NEDD9: variants seen among roughly 807,000 people sequenced by gnomAD.
The protein encoded by NEDD9 is neural precursor cell expressed, developmentally down-regulated 9.
A neutral mutation model predicts 76.6 loss-of-function variants in NEDD9; 26 were observed. The observed-to-expected ratio is 0.34, with a 90% confidence interval of 0.25 to 0.47. NEDD9 has a LOEUF of 0.47. Ranked by LOEUF, NEDD9 falls within the 20% of genes least tolerant of loss-of-function variation. The probability of loss-of-function intolerance (pLI) is 1.00; values close to 1 mark genes in which losing one functional copy is unlikely to be tolerated. For missense variants in NEDD9, 937 were observed against 1,058.5 expected, an observed-to-expected ratio of 0.89 and a Z score of 1.59; for synonymous variants, 392 against 414.2, an observed-to-expected ratio of 0.95 and a Z score of 0.65.
chr6:11,357,974 G>T (rs1762609535), intron 1 of NEDD9, among the ~76,000 whole-genome samples: 1 of 152,116 alleles, frequency 6.6e-6, no homozygotes. Flanking sequence ...CTATGGGGCC[G>T]CATGGTGGCT....
intron 3 of NEDD9, among the ~76,000 whole-genome samples, chr6:11,248,143 T>C (rs895983372): frequency 1.3e-5 from 2 of 151,654 alleles, no homozygotes; most frequent in Admixed American, 1.3e-4. Context: ...TTCTATAAGA[T>C]CTTCCCAAAA....
At chr6:11,297,896 AT>A (rs556461553) in intron 3 of NEDD9, among the ~76,000 whole-genome samples, 172 of 138,900 alleles carry the variant, frequency 1.2e-3, no homozygotes, top group African/African-American at 4.3e-3. Context: ...TCTAGTCCGT[AT>A]TTTTTTTTCT....
chr6:11,358,719 T>C (rs778937237), intron 1 of NEDD9, among the ~76,000 whole-genome samples: 33 of 152,110 alleles, frequency 2.2e-4, no homozygotes, highest in South Asian at 1.0e-3. Context: ...GAATCAGGAC[T>C]TTTCCCCCTG....
At chr6:11,303,496 C>A (rs983387256) in intron 3 of NEDD9, among the ~76,000 whole-genome samples, 2 of 151,570 alleles carry the variant, frequency 1.3e-5, no homozygotes, top group African/African-American at 4.9e-5. Flanking sequence ...ACTTTCTTTA[C>A]GTAATTGGAA....
chr6:11,350,772 G>C (rs937088808), intron 1 of NEDD9, among the ~76,000 whole-genome samples: 1 of 152,126 alleles, frequency 6.6e-6, no homozygotes, highest in African/African-American at 2.4e-5. Context: ...CCTCACAGTG[G>C]GGAGACAGGT....
intron 3 of NEDD9, among the ~76,000 whole-genome samples, chr6:11,297,813 A>C (rs1582006388): frequency 6.6e-6 from 1 of 152,266 alleles, no homozygotes; most frequent in East Asian, 1.9e-4. Context: ...AGGCACAAAG[A>C]GGGTTAATAA....
At chr6:11,346,486 C>CG (rs530242479) in intron 1 of NEDD9, among the ~76,000 whole-genome samples, 30 of 151,424 alleles carry the variant, frequency 2.0e-4, no homozygotes, top group South Asian at 1.5e-3. Context: ...GGCCCCCCCC[C>CG]CCGAGGTGAG....
chr6:11,284,421 C>T (rs1760603479), intron 3 of NEDD9, among the ~76,000 whole-genome samples: 1 of 144,752 alleles, frequency 6.9e-6, no homozygotes, highest in Admixed American at 6.9e-5. Context: ...AAAAAAGTAG[C>T]TGGGCATGGT....
Position 11,237,940 on chromosome 6 carries a change from C to G in NEDD9, c.13-24213G>C, listed in dbSNP as rs1386623580. On this transcript the variant is annotated intron_variant, in intron 3 of 3. Coordinates refer to the NEDD9 transcript ENST00000397378. The surrounding 1 kb of genome is among the most constrained non-coding windows in gnomAD (Gnocchi z 4.9). The stretch of plus-strand genomic sequence containing the variant: ...GAACCATTCTAGGGCCATGTTTTAT[C>G]ATTTCTAGTTTGACATTAGTTTTTA... 6.6e-6 allele frequency among the ~76,000 whole-genome samples: 1 copy of G among 152,162 alleles called. No homozygotes were observed. The highest frequency in any genetic ancestry group is 1.5e-5 in the Non-Finnish European group (1 of 68,018).
intron 3 of NEDD9, among the ~76,000 whole-genome samples, chr6:11,290,266 C>T (rs1360986935): frequency 2.0e-5 from 3 of 152,158 alleles, no homozygotes; most frequent in South Asian, 2.1e-4. Flanking sequence ...TGAGCCACAG[C>T]GACGCTTGCA....
At chr6:11,187,547 AAGAGAGAG>A (rs151140554) in intron 6 of NEDD9, among the ~76,000 whole-genome samples, 1 of 150,572 alleles carries the variant, frequency 6.6e-6, no homozygotes, top group Non-Finnish European at 1.5e-5. Context: ...TAGAGACAGA[AAGAGAGAG>A]AGAGAGAGAG....
chr6:11,338,774 T>G (rs1005113660), intron 1 of NEDD9, among the ~76,000 whole-genome samples: 2 of 151,956 alleles, frequency 1.3e-5, no homozygotes, highest in Admixed American at 6.6e-5. Context: ...ATACAAAAAT[T>G]AGCTGGGTGT....
At chr6:11,236,572 T>C (rs765139890), upstream of NEDD9, among the ~76,000 whole-genome samples, 30 of 152,180 alleles carry the variant, frequency 2.0e-4, no homozygotes, top group Non-Finnish European at 3.8e-4. The surrounding 1 kb of genome is among the most constrained non-coding windows in gnomAD (Gnocchi z 5.5). Flanking sequence ...CAGCCACTCA[T>C]AGAGAGGGCA....
At chr6:11,291,590 C>T (rs1039443614) in intron 3 of NEDD9, among the ~76,000 whole-genome samples, 6 of 152,056 alleles carry the variant, frequency 3.9e-5, no homozygotes, top group Non-Finnish European at 7.4e-5. Flanking sequence ...AGATTTTTAA[C>T]ACGAGCAGGA....
Position 11,370,558 on chromosome 6 carries a change from C to G in NEDD9, c.-214+11581G>C, listed in dbSNP as rs1401203764. On this transcript the variant is annotated intron_variant, in intron 1 of 3. Transcript: ENST00000397378. This position sits in a 1 kb window ranked among gnomAD's most constrained non-coding sequence, Gnocchi z 4.2. ...CGCCTTTTCTTCCCCTCACAATCTCCTCATGCTTTTCTGTGTCCTTCCCGT... is the reference window on the plus strand; with the variant it reads ...CGCCTTTTCTTCCCCTCACAATCTCGTCATGCTTTTCTGTGTCCTTCCCGT... Among the ~76,000 whole-genome samples, 1 of 152,190 alleles carries G rather than the reference C, an allele frequency of 6.6e-6. No individual in the cohort carries two copies. Among genetic ancestry groups the G allele is most frequent in the African/African-American group, 2.4e-5 (1 of 41,452 alleles).
At chr6:11,223,209 G>A (rs986163567) in intron 1 of NEDD9, among the ~76,000 whole-genome samples, 1 of 152,186 alleles carries the variant, frequency 6.6e-6, no homozygotes, top group African/African-American at 2.4e-5. Context: ...AATTAGGAGG[G>A]TCTAGCTTCA....
At chr6:11,305,958 C>A (rs1561825046) in intron 3 of NEDD9, 7 of 1,612,932 alleles carry the variant, frequency 4.3e-6, no homozygotes, top group Non-Finnish European at 5.9e-6. Context: ...AAAGGGGAAT[C>A]ACAAATTGTC....
At chr6:11,207,704 T>C (rs1043849367) in intron 2 of NEDD9, among the ~76,000 whole-genome samples, 1 of 152,132 alleles carries the variant, frequency 6.6e-6, no homozygotes, top group African/African-American at 2.4e-5. Flanking sequence ...CAATGGAATA[T>C]ACAACACATT....
chr6:11,259,621 A>G (rs993263756), intron 3 of NEDD9, among the ~76,000 whole-genome samples: 1 of 152,212 alleles, frequency 6.6e-6, no homozygotes, highest in South Asian at 2.1e-4. Context: ...TTTGAAGCAA[A>G]AGAAAAAACC....
Sources: allele counts gnomAD v4.1 joint callset (sites outside exome capture counted in the v4.1 genomes callset), GRCh38; gene constraint gnomAD v4.1.1; non-coding constraint Gnocchi (gnomAD v3.1); transcripts MANE v1.5; gene names NCBI Gene and HGNC (gene_info 2026-07-23, HGNC 2026-07-21).